Variants in KCNIP1 observed in about 807,000 individuals in gnomAD.
KCNIP1 encodes A-type potassium channel modulatory protein KCNIP1.
Under a neutral mutation model 33.0 loss-of-function variants are expected in KCNIP1, and 18 were observed. The observed-to-expected ratio is 0.55, with a 90% confidence interval of 0.38 to 0.81. KCNIP1 has a LOEUF of 0.81. KCNIP1 is among the 30% of genes least tolerant of loss of function. The pLI, the probability that KCNIP1 is intolerant of heterozygous loss-of-function variation, is 0.00. For synonymous variants in KCNIP1, 93 were observed against 98.3 expected (o/e 0.95, Z 0.32); for missense variants, 238 against 271.6 (o/e 0.88, Z 0.87).
At chr5:170,717,995 G>T (rs755817372) in intron 1 of KCNIP1, among the ~76,000 whole-genome samples, 3 of 152,152 alleles carry the variant, frequency 2.0e-5, no homozygotes, top group Non-Finnish European at 4.4e-5. Flanking sequence ...CCACGGACTT[G>T]GACCTTGTGA....
intron 1 of KCNIP1, among the ~76,000 whole-genome samples, chr5:170,622,295 A>G (rs556065528): frequency 6.6e-6 from 1 of 152,230 alleles, no homozygotes; most frequent in East Asian, 1.9e-4. Flanking sequence ...TTTGGGGTCT[A>G]TCCGAAATCC....
chr5:170,391,215 C>G (rs752930372), intron 1 of KCNIP1, among the ~76,000 whole-genome samples: 14 of 152,158 alleles, frequency 9.2e-5, no homozygotes, highest in Non-Finnish European at 1.3e-4. Context: ...GCCAGGCCCC[C>G]CTCCTGCTTC....
chr5:170,575,961 A>T (rs1757589075), intron 1 of KCNIP1, among the ~76,000 whole-genome samples: 1 of 152,216 alleles, frequency 6.6e-6, no homozygotes, highest in African/African-American at 2.4e-5. Context: ...CCAATGTATC[A>T]GTTAGCTATT....
intron 1 of KCNIP1, among the ~76,000 whole-genome samples, chr5:170,424,383 A>G (rs1208273278): frequency 6.6e-6 from 1 of 152,180 alleles, no homozygotes. Context: ...AGCTGCCCCC[A>G]GAGTAGGGAA....
intron 1 of KCNIP1, among the ~76,000 whole-genome samples, chr5:170,628,901 C>A (rs186116591): frequency 2.8e-4 from 43 of 152,328 alleles, no homozygotes; most frequent in Admixed American, 2.4e-3. Flanking sequence ...GAGGGTCAGA[C>A]AGAAAATCTC....
chr5:170,505,452 A>G (rs1291299951), intron 1 of KCNIP1, among the ~76,000 whole-genome samples: 1 of 152,236 alleles, frequency 6.6e-6, no homozygotes, highest in African/African-American at 2.4e-5. Context: ...GGAAGCAGTT[A>G]GGAAACGGGA....
intron 1 of KCNIP1, among the ~76,000 whole-genome samples, chr5:170,666,253 ACCTT>A (rs1328131784): frequency 6.6e-6 from 1 of 152,124 alleles, no homozygotes; most frequent in Non-Finnish European, 1.5e-5. Context: ...AAATTACTCC[ACCTT>A]TGGGTACTGG....
chr5:170,705,867 C>T (rs1253654501), intron 1 of KCNIP1, among the ~76,000 whole-genome samples: 1 of 152,194 alleles, frequency 6.6e-6, no homozygotes, highest in Non-Finnish European at 1.5e-5. Context: ...CTTAAAATCA[C>T]AGTCAAAATA....
At chr5:170,513,119 A>C (rs1755002405) in intron 1 of KCNIP1, among the ~76,000 whole-genome samples, 1 of 152,136 alleles carries the variant, frequency 6.6e-6, no homozygotes, top group Non-Finnish European at 1.5e-5. Context: ...CAAGATCACC[A>C]GATGGTTTAT....
intron 1 of KCNIP1, among the ~76,000 whole-genome samples, chr5:170,681,713 C>T (rs1050812107): frequency 3.3e-5 from 5 of 152,228 alleles, no homozygotes; most frequent in Non-Finnish European, 1.5e-5. Context: ...AAAGCCACCT[C>T]CTCAGCTCTG....
At chr5:170,447,704 T>C (rs1163927222) in intron 1 of KCNIP1, among the ~76,000 whole-genome samples, 1 of 151,998 alleles carries the variant, frequency 6.6e-6, no homozygotes, top group Non-Finnish European at 1.5e-5. Context: ...CCGTAGCCTC[T>C]GAATTTATTT....
At chr5:170,438,943 C>T (rs1038430228) in intron 1 of KCNIP1, among the ~76,000 whole-genome samples, 16 of 152,172 alleles carry the variant, frequency 1.1e-4, no homozygotes, top group African/African-American at 3.6e-4. Flanking sequence ...CCAGACCCCT[C>T]GGGTACCTTT....
chr5:170,473,372 A>C (rs1039770418), intron 1 of KCNIP1, among the ~76,000 whole-genome samples: 4 of 152,178 alleles, frequency 2.6e-5, no homozygotes, highest in Non-Finnish European at 4.4e-5. Context: ...TACCAGTGTT[A>C]TGCCCATTTT....
At chr5:170,487,115 A>G (rs1757114854) in intron 1 of KCNIP1, among the ~76,000 whole-genome samples, 1 of 152,170 alleles carries the variant, frequency 6.6e-6, no homozygotes, top group Non-Finnish European at 1.5e-5. Flanking sequence ...GGGCTGGCAA[A>G]TTCAAAATCG....
intron 1 of KCNIP1, among the ~76,000 whole-genome samples, chr5:170,428,327 T>C (rs1471944950): frequency 6.6e-6 from 1 of 152,084 alleles, no homozygotes; most frequent in Non-Finnish European, 1.5e-5. Flanking sequence ...GTGCGAAAGA[T>C]AGGATACAAG....
chr5:170,585,233 G>T (rs1279360324), intron 1 of KCNIP1, among the ~76,000 whole-genome samples: 1 of 152,146 alleles, frequency 6.6e-6, no homozygotes, highest in East Asian at 1.9e-4. Flanking sequence ...AAATGTCACA[G>T]GTAGCAGTGT....
At chr5:170,574,723 G>A (rs67500228) in intron 1 of KCNIP1, among the ~76,000 whole-genome samples, 3,924 of 152,276 alleles carry the variant, frequency 0.026, 80 homozygotes, top group Middle Eastern at 0.037. Context: ...AGGGTGCCAG[G>A]AAGGAACCCA....
Position 170,436,217 on chromosome 5 carries a change from G to A in KCNIP1, c.88+82253G>A, listed in dbSNP as rs78534545. Among the ~76,000 whole-genome samples the A allele has an allele frequency of 7.2e-3, 1,091 of 152,364 alleles. 46 individuals carry two copies. In the East Asian group the frequency reaches 0.12, roughly 16 times the overall value. On this transcript the variant is annotated intron_variant, in intron 1 of 7. Transcript: ENST00000377360. The stretch of plus-strand genomic sequence containing the variant: ...TCTAAAACAATTAATGAAGGCCCAT[G>A]ATGGGGACAGGAGAGCCATTATGCA...
chr5:170,553,586 C>T (rs1286050849), intron 1 of KCNIP1, among the ~76,000 whole-genome samples: 1 of 152,234 alleles, frequency 6.6e-6, no homozygotes, highest in Non-Finnish European at 1.5e-5. Flanking sequence ...TGGAGCATCT[C>T]TTGTACGCCC....
Sources: allele counts gnomAD v4.1 joint callset (sites outside exome capture counted in the v4.1 genomes callset), GRCh38; gene constraint gnomAD v4.1.1; transcripts MANE v1.5; gene names NCBI Gene and HGNC (gene_info 2026-07-23, HGNC 2026-07-21).